The following ADCK5 variants were observed in gnomAD, a reference collection of about 807,000 sequenced individuals.
ADCK5 encodes uncharacterized aarF domain-containing protein kinase 5.
ADCK5 carries 43 observed loss-of-function variants against 64.9 expected under a neutral mutation model. The ratio of observed to expected loss-of-function variants is 0.66; its 90% CI spans 0.52 to 0.85. ADCK5 has a LOEUF of 0.85. ADCK5 is among the 40% of genes least tolerant of loss of function. The pLI, the probability that ADCK5 is intolerant of heterozygous loss-of-function variation, is 0.00. For missense variants in ADCK5, 760 were observed against 810.5 expected (o/e 0.94, Z 0.76); for synonymous variants, 434 against 342.8 (o/e 1.27, Z -2.94).
rs376855129 is a variant in ADCK5 at position 144,381,782 on chromosome 8, T to C, written c.117-1299T>C. Among the ~76,000 whole-genome samples, 171 of 43,404 alleles carry C rather than the reference T, an allele frequency of 3.9e-3. 16 individuals carry two copies. Among genetic ancestry groups the C allele is most frequent in the Middle Eastern group, 0.016 (1 of 62 alleles). 28.5% of individuals were successfully genotyped at this position (43,404 alleles called of 152,430 possible). ...AACAGATGTGTGCTCAGGCCCCTGC[T>C]GCACTCAGGATTATGGGCCGGGTGT... On this transcript the variant is annotated intron_variant, in intron 2 of 14. Transcript: ENST00000308860.
intron 3 of ADCK5, among the ~76,000 whole-genome samples, chr8:144,385,083 A>G (rs782122111): frequency 3.7e-4 from 57 of 152,102 alleles, no homozygotes; most frequent in Non-Finnish European, 6.6e-4. Context: ...AACAGGCCAC[A>G]GGTACCCAAA....
In ADCK5 at chr8:144,374,062, G is replaced by A. The variant is rs1246855391; in HGVS notation, c.-34G>A. 6 of 1,245,886 alleles carry A rather than the reference G, an allele frequency of 4.8e-6. No individual in the cohort carries two copies. Among genetic ancestry groups the A allele is most frequent in the African/African-American group, 4.6e-5 (3 of 64,616 alleles). The allele number at this position is 1,245,886 out of a possible 1,614,324, so 77.2% of individuals were successfully genotyped here. ...GCTGGGCTGCGAGACGCTAAGCGGCGCCGGGCGGGAGAAGAGCGGAGCAGT... is the reference window on the plus strand; with the variant it reads ...GCTGGGCTGCGAGACGCTAAGCGGCACCGGGCGGGAGAAGAGCGGAGCAGT... On this transcript the variant is annotated 5_prime_UTR_variant, in exon 1 of 15. Coordinates refer to ENST00000308860, the MANE Select transcript of ADCK5 (RefSeq NM_174922.5).
chr8:144,390,768 A>C (rs879971344), intron 4 of ADCK5, 22 bp downstream of exon 4: 1 of 1,612,278 alleles, frequency 6.2e-7, no homozygotes, highest in South Asian at 1.1e-5. Context: ...TGCCCTGGGC[A>C]CACAGTGGTG....
At position 144,391,356 on chromosome 8, in the gene ADCK5, T is replaced by G. The variant is rs376020799; in HGVS notation, c.685-5T>G. On this transcript the variant is annotated splice_region_variant and splice_polypyrimidine_tract_variant and intron_variant, in intron 6 of 14. Transcript: ENST00000308860. ...AAGTTCTCACCACACCCTCGCCCAG[T>G]GCAGGTGCAGTACATCGACCTGCGG... 2.5e-6 allele frequency: 4 copies of G among 1,613,134 alleles called. No individual in the cohort carries two copies. In the Admixed American group the frequency reaches 5.0e-5, roughly 20 times the overall value.
Position 144,376,324 on chromosome 8 carries a change from G to C in ADCK5, c.12+2217G>C, listed in dbSNP as rs1554857150. Reference sequence around the variant, plus strand: ...CTGCTCACAGTCTAGTGGGAGGACAGATTCCGTAAGTTGACAGTCACGCTG... The same window carrying C: ...CTGCTCACAGTCTAGTGGGAGGACACATTCCGTAAGTTGACAGTCACGCTG... On this transcript the variant is annotated intron_variant, in intron 1 of 14. Coordinates refer to ENST00000308860, the MANE Select transcript of ADCK5 (RefSeq NM_174922.5). The surrounding 1 kb of genome is among the most constrained non-coding windows in gnomAD (Gnocchi z 5.1). Among the ~76,000 whole-genome samples, 1 of 152,226 alleles carries C rather than the reference G, an allele frequency of 6.6e-6. No homozygotes were observed. The highest frequency in any genetic ancestry group is 2.4e-5 in the African/African-American group (1 of 41,454).
intron 3 of ADCK5, among the ~76,000 whole-genome samples, chr8:144,389,816 T>C (rs2928373): frequency 0.99 from 150,772 of 151,616 alleles, 74,975 homozygotes; most frequent in Middle Eastern, 1. Flanking sequence ...AGGTGTGAGC[T>C]ACCAAGCCCA....
Position 144,393,069 on chromosome 8 carries a change from A to G in ADCK5, c.1738A>G (p.Thr580Ala). The G allele has an allele frequency of 6.3e-7, 1 of 1,575,056 alleles. No individual in the cohort carries two copies. The highest frequency in any genetic ancestry group is 8.6e-7 in the Non-Finnish European group (1 of 1,165,188). ...GGAGGAGCTCTACCAGTACCTGGAGACCTAGGGTGCAGCCGCCCAGGGCCG... is the reference window on the plus strand; with the variant it reads ...GGAGGAGCTCTACCAGTACCTGGAGGCCTAGGGTGCAGCCGCCCAGGGCCG... The part of the protein sequence containing the change: ...PAEELYQYLE[T>A] The change falls in exon 15 of 15, where the codon ACC (threonine) becomes GCC (alanine). Residue 580 changes from threonine to alanine, a missense_variant. Around this residue, in one of 2 missense-constraint regions of ADCK5, gnomAD observed 333 missense variants for 292.0 expected, o/e 1.14. Coordinates refer to ENST00000308860, the MANE Select transcript of ADCK5 (RefSeq NM_174922.5).
At chr8:144,385,154 C>T (rs1012524920) in intron 3 of ADCK5, among the ~76,000 whole-genome samples, 3 of 151,574 alleles carry the variant, frequency 2.0e-5, no homozygotes, top group Non-Finnish European at 2.9e-5. Flanking sequence ...CCTCAGAGCC[C>T]TGTCTTTAAT....
At chr8:144,381,243 G>A (rs6999218) in intron 2 of ADCK5, among the ~76,000 whole-genome samples, 1 of 131,304 alleles carries the variant, frequency 7.6e-6, no homozygotes, top group Non-Finnish European at 1.6e-5. Context: ...GGCACCTGCC[G>A]CACTCAGGAT....
At position 144,391,380 on chromosome 8, in the gene ADCK5, G is replaced by A. The variant is rs567855449; in HGVS notation, c.704G>A (p.Arg235Gln). Residue 235 changes from arginine (R) to glutamine (Q), a missense_variant, in exon 7 of 15, where the codon CGG (arginine) becomes CAG (glutamine). Physicochemically the swap from Arg to Gln is conservative, Grantham distance 43. Coordinates refer to ENST00000308860, the MANE Select transcript of ADCK5 (RefSeq NM_174922.5). Reference sequence around the variant, plus strand: ...GTGCAGGTGCAGTACATCGACCTGCGGGACCGCTTTGATGGGGACATCCAC... The same window carrying A: ...GTGCAGGTGCAGTACATCGACCTGCAGGACCGCTTTGATGGGGACATCCAC... ...VAVKVQYIDL[R>Q]DRFDGDIHTL... is the part of the protein sequence containing the mutation. 5.0e-6 allele frequency: 8 copies of A among 1,613,180 alleles called. No individual in the cohort carries two copies. Among genetic ancestry groups the A allele is most frequent in the East Asian group, 4.5e-5 (2 of 44,880 alleles).
In ADCK5 at chr8:144,379,435, C is replaced by G. The variant is rs782813225; in HGVS notation, c.61C>G (p.Pro21Ala). 6.2e-7 allele frequency: 1 copy of G among 1,610,496 alleles called. No individual in the cohort carries two copies. The highest frequency in any genetic ancestry group is 8.5e-7 in the Non-Finnish European group (1 of 1,178,138). The change falls in exon 2 of 15, where the codon CCC becomes GCC. Residue 21 changes from proline (P) to alanine (A), a missense_variant. This residue lies in a region of ADCK5 where 427 missense variants were observed against 518.4 expected (regional missense o/e 0.82). Transcript: ENST00000308860. ...TGCTCTGCTGCACAGCAGGCAGAAG[C>G]CCTGGCCGTCCCCTGCTGTGTTCTT... The part of the protein sequence containing the change: ...HSALLHSRQK[P>A]WPSPAVFFRR...
At chr8:144,378,954 G>A (rs1819485502) in intron 1 of ADCK5, among the ~76,000 whole-genome samples, 1 of 148,094 alleles carries the variant, frequency 6.8e-6, no homozygotes. Context: ...TTTTTCTTGA[G>A]ATGGAGTTTC....
chr8:144,385,247 C>T (rs756989596), intron 3 of ADCK5, among the ~76,000 whole-genome samples: 10 of 148,300 alleles, frequency 6.7e-5, no homozygotes, highest in East Asian at 2.0e-4. Context: ...TGCAGTGGTG[C>T]GATCTCAGCT....
rs781897786 is a variant in ADCK5, at chr8:144,391,259, C to A, written c.669C>A (p.Thr223=). 11 of 1,612,452 alleles carry A rather than the reference C, an allele frequency of 6.8e-6. No homozygotes were observed. The highest frequency in any genetic ancestry group is 9.3e-6 in the Non-Finnish European group (11 of 1,180,020). Reference sequence around the variant, plus strand: ...ACAGAGCCAAGCTGCACGATGGCACCAGCGTGGCTGTGAAGGTATATGGGG... The same window carrying A: ...ACAGAGCCAAGCTGCACGATGGCACAAGCGTGGCTGTGAAGGTATATGGGG... ...QVHRAKLHDG[T]SVAVKVQYID... The change falls in exon 6 of 15, where the codon ACC becomes ACA. Residue 223 remains threonine (T), a synonymous_variant. Transcript: ENST00000308860.
chr8:144,392,810 ACGTATCG>A lies in ADCK5; in HGVS notation c.1556_1562del (p.Thr519ArgfsTer34). Reference sequence around the variant, plus strand: ...GGGCTGGAGCCGCCTGGCGGGCGCCACGTATCGGGGTGTCTACGGCACCAGCCTCCTG... The same window carrying A: ...GGGCTGGAGCCGCCTGGCGGGCGCCAGGGTGTCTACGGCACCAGCCTCCTG... On this transcript the variant is annotated frameshift_variant, in exon 14 of 15. Coordinates refer to ENST00000308860, the MANE Select transcript of ADCK5 (RefSeq NM_174922.5). LOFTEE classifies it high-confidence loss of function. 1.3e-6 allele frequency: 2 copies of A among 1,592,586 alleles called. No individual in the cohort carries two copies. Among genetic ancestry groups the A allele is most frequent in the Non-Finnish European group, 1.7e-6 (2 of 1,174,092 alleles).
At chr8:144,383,321 G>A (rs1235433368) in intron 3 of ADCK5, 91 bp downstream of exon 3, 32 of 1,430,618 alleles carry the variant, frequency 2.2e-5, no homozygotes, top group Middle Eastern at 2.5e-4. Context: ...CTTCACAGAC[G>A]AGGGGCGTGA....
intron 3 of ADCK5, among the ~76,000 whole-genome samples, chr8:144,389,891 C>T (rs1264351376): frequency 4.6e-5 from 7 of 150,718 alleles, no homozygotes; most frequent in Admixed American, 1.3e-4. Context: ...TGCAATGGCG[C>T]GATCTTGGCT....
chr8:144,390,547 C>G, intron 3 of ADCK5, 124 bp from the exon 4 acceptor site: 2 of 1,052,140 alleles, frequency 1.9e-6, no homozygotes, highest in South Asian at 1.4e-5. Flanking sequence ...CCTGGCTTGG[C>G]CTCACCCTTG....
At chr8:144,385,928 C>T (rs1186679296) in intron 3 of ADCK5, among the ~76,000 whole-genome samples, 1 of 151,334 alleles carries the variant, frequency 6.6e-6, no homozygotes, top group Non-Finnish European at 1.5e-5. Context: ...CACGCCACTG[C>T]ACTCTAGCCT....
Sources: gnomAD v4.1 joint callset for allele counts (sites outside exome capture counted in the v4.1 genomes callset) on GRCh38, gnomAD v4.1.1 for gene constraint, gnomAD v4.1.1 regional missense constraint, Gnocchi (gnomAD v3.1) non-coding constraint, MANE v1.5 for transcripts, NCBI Gene and HGNC (gene_info 2026-07-23, HGNC 2026-07-21) for gene names.